Variants in ECE1 observed in about 807,000 individuals in gnomAD.
ECE1 encodes the protein endothelin converting enzyme 1.
In ECE1, 35 loss-of-function variants were observed where a neutral mutation model predicts 98.6. The observed-to-expected ratio is 0.35, with a 90% confidence interval of 0.27 to 0.47. The LOEUF is 0.47. ECE1 is among the 20% of genes least tolerant of loss of function. The pLI is 1.00. For missense variants in ECE1, 814 were observed against 1,025.3 expected (o/e 0.79, Z 2.81); for synonymous variants, 394 against 407.1 (o/e 0.97, Z 0.39).
chr1:21,231,681 G>T (rs1296440647), intron 14 of ECE1, among the ~76,000 whole-genome samples: 1 of 152,146 alleles, frequency 6.6e-6, no homozygotes, highest in African/African-American at 2.4e-5. Context: ...TAGAGACAGG[G>T]TCTTGCTCTG....
chr1:21,254,068 CAAAA>C (rs57691016), intron 8 of ECE1, among the ~76,000 whole-genome samples: 1,711 of 99,046 alleles, frequency 0.017, 20 homozygotes, highest in East Asian at 0.034. Flanking sequence ...GACTTTGTCT[CAAAA>C]AAAAAAAAAA....
intron 3 of ECE1, among the ~76,000 whole-genome samples, chr1:21,273,346 CGTGTGTGTGTGTGT>C (rs60168069): frequency 5.3e-5 from 7 of 133,158 alleles, no homozygotes; most frequent in East Asian, 4.1e-4. Flanking sequence ...TGCGTGTGTG[CGTGTGTGTGTGTGT>C]GTGTGTGTGT....
chr1:21,314,486 C>T (rs1569738034), intron 1 of ECE1, among the ~76,000 whole-genome samples: 2 of 152,232 alleles, frequency 1.3e-5, no homozygotes, highest in African/African-American at 4.8e-5. Flanking sequence ...AGGCAGGGAT[C>T]GGCCCCAGCC....
intron 13 of ECE1, among the ~76,000 whole-genome samples, chr1:21,234,037 G>T (rs2098185104): frequency 6.6e-6 from 1 of 151,982 alleles, no homozygotes; most frequent in African/African-American, 2.4e-5. Context: ...ATCCAGGCTG[G>T]AGTGCAATGG....
rs1639381242 is a variant in ECE1, at chr1:21,340,656, T to G, written c.3+4720A>C. On this transcript the variant is annotated intron_variant, in intron 1 of 18. Transcript: ENST00000415912. The surrounding 1 kb of genome is among the most constrained non-coding windows in gnomAD (Gnocchi z 4.6). ...CAGTCCAAGACCAGCCTGGGCAACA[T>G]GGCGAAACCCGGTGTCTACTAAAAA... Among the ~76,000 whole-genome samples, 1 of 151,974 alleles carries G rather than the reference T, an allele frequency of 6.6e-6. No homozygotes were observed. Among genetic ancestry groups the G allele is most frequent in the African/African-American group, 2.4e-5 (1 of 41,346 alleles).
chr1:21,221,575 A>G (rs2076281), intron 18 of ECE1, among the ~76,000 whole-genome samples, 172 bp downstream of exon 18: 13,082 of 152,222 alleles, frequency 0.086, 847 homozygotes, highest in South Asian at 0.25. Flanking sequence ...CTTCACTGGT[A>G]CTTTGGGCCC....
In ECE1 at chr1:21,322,326, C is replaced by T. The variant is rs1388666748; in HGVS notation, c.3+23050G>A. 6.6e-6 allele frequency among the ~76,000 whole-genome samples: 1 copy of T among 152,192 alleles called. No individual in the cohort carries two copies. Among genetic ancestry groups the T allele is most frequent in the Non-Finnish European group, 1.5e-5 (1 of 68,020 alleles). ...GCTGGGGACAGGTCAGTGCCACCCA[C>T]CTCTAGCAAATGCTTCCATTCCCAC... On this transcript the variant is annotated intron_variant, in intron 1 of 18. Coordinates refer to the ECE1 transcript ENST00000415912. This position sits in a 1 kb window ranked among gnomAD's most constrained non-coding sequence, Gnocchi z 4.1.
At chr1:21,303,718 A>T (rs1012732851) in intron 1 of ECE1, among the ~76,000 whole-genome samples, 2 of 152,024 alleles carry the variant, frequency 1.3e-5, no homozygotes, top group African/African-American at 4.8e-5. Context: ...GCACCATCTC[A>T]GCTCGCTGCA....
At position 21,247,310 on chromosome 1, in the gene ECE1, G is replaced by A. The variant is rs757832876; in HGVS notation, c.1074C>T (p.Pro358=). The part of the protein sequence containing the change: ...WLPFLNTIFY[P]VEINESEPIV... ...TAGGCTCGGATTCATTGATCTCCAC[G>A]GGGTAGAAGATGGTGTTGAGAAAAG... Residue 358 remains proline (P), a synonymous_variant, in exon 9 of 19, where the codon CCC becomes CCT. Coordinates refer to ENST00000374893, the MANE Select transcript of ECE1 (RefSeq NM_001397.3). 5.0e-6 allele frequency: 8 copies of A among 1,614,084 alleles called. No homozygotes were observed. Among genetic ancestry groups the A allele is most frequent in the African/African-American group, 2.7e-5 (2 of 74,918 alleles).
At chr1:21,221,653 A>G (rs2098167604) in intron 18 of ECE1, 94 bp downstream of exon 18, 23 of 1,317,678 alleles carry the variant, frequency 1.7e-5, no homozygotes, top group Non-Finnish European at 2.4e-5. Context: ...GAAGTTCTCA[A>G]TCTGTGGGGA....
upstream of ECE1, chr1:21,293,669 G>C (rs570787707): frequency 1.6e-4 from 25 of 152,156 alleles, no homozygotes; most frequent in Non-Finnish European, 2.1e-4. Flanking sequence ...GCCTGCCTCA[G>C]CCCGGTAGTG....
chr1:21,220,390 T>C lies in ECE1; in HGVS notation c.2137-259A>G, dbSNP rs1055308185. ...GGTGTACACCTATGGTCCCAGCTCC[T>C]GGGGAGGCTGAGGTGGGAGGATCAC... On this transcript the variant is annotated intron_variant, in intron 18 of 18. Coordinates refer to ENST00000374893, the MANE Select transcript of ECE1 (RefSeq NM_001397.3). The surrounding 1 kb of genome is among the most constrained non-coding windows in gnomAD (Gnocchi z 5.0). Among the ~76,000 whole-genome samples, 4 of 152,018 alleles carry C rather than the reference T, an allele frequency of 2.6e-5. No homozygotes were observed. The highest frequency in any genetic ancestry group is 4.4e-5 in the Non-Finnish European group (3 of 67,980).
chr1:21,271,132 T>C (rs1323384186), intron 4 of ECE1, among the ~76,000 whole-genome samples: 1 of 152,190 alleles, frequency 6.6e-6, no homozygotes, highest in Admixed American at 6.5e-5. Flanking sequence ...GCTTCAACCC[T>C]ACCTCCATAC....
chr1:21,226,468 T>A (rs140990374), intron 16 of ECE1, among the ~76,000 whole-genome samples: 2 of 152,276 alleles, frequency 1.3e-5, no homozygotes, highest in East Asian at 3.9e-4. Flanking sequence ...CCCAGATCCT[T>A]CTGCCTCCAA....
chr1:21,262,710 CA>C (rs1208287465), intron 4 of ECE1, among the ~76,000 whole-genome samples: 1 of 152,234 alleles, frequency 6.6e-6, no homozygotes, highest in Non-Finnish European at 1.5e-5. Flanking sequence ...CACCTGTCTG[CA>C]AGCCCCAAAT....
In ECE1 at chr1:21,219,945, C is replaced by A. The variant is rs200941917; in HGVS notation, c.*10G>T. ...TCCCCTCCTCCGTCTTGGCTCTCTC[C>A]GCTTCGTCCTTACCAGACTTCGCAC... On this transcript the variant is annotated 3_prime_UTR_variant, in exon 19 of 19. Coordinates refer to ENST00000374893, the MANE Select transcript of ECE1 (RefSeq NM_001397.3). This position sits in a 1 kb window ranked among gnomAD's most constrained non-coding sequence, Gnocchi z 4.5. The A allele has an allele frequency of 5.0e-6, 8 of 1,614,138 alleles. No homozygotes were observed. Among genetic ancestry groups the A allele is most frequent in the South Asian group, 2.2e-5 (2 of 91,076 alleles).
Position 21,236,623 on chromosome 1 carries a change from T to A in ECE1, c.1488+123A>T, listed in dbSNP as rs534446588. ...AAGATCGCACCATAGCACTCCAGCC[T>A]GGGTAACAAGAACGAAACTCTGCCT... On this transcript the variant is annotated intron_variant, in intron 12 of 18. Coordinates refer to ENST00000374893, the MANE Select transcript of ECE1 (RefSeq NM_001397.3). 7 of 958,338 alleles carry A rather than the reference T, an allele frequency of 7.3e-6. No individual in the cohort carries two copies. The Admixed American group carries it at 7.5e-5, about 10-fold the overall frequency. The allele number at this position is 958,338 out of a possible 1,614,324, so 59.4% of individuals were successfully genotyped here. A position where few individuals can be genotyped will look rare whatever the true frequency, so the allele number is the denominator to read the frequency against.
intron 2 of ECE1, among the ~76,000 whole-genome samples, chr1:21,285,096 T>C (rs981108137): frequency 2.0e-5 from 3 of 152,288 alleles, no homozygotes; most frequent in Admixed American, 1.3e-4. Context: ...CTCAAGTCCT[T>C]GTGTCCTCTT....
At chr1:21,298,481 A>C (rs1638417050) in intron 1 of ECE1, 1 of 322,180 alleles carries the variant, frequency 3.1e-6, no homozygotes. Context: ...CACGGACGTG[A>C]ATGGAGATGA....
Sources: allele counts gnomAD v4.1 joint callset (sites outside exome capture counted in the v4.1 genomes callset), GRCh38; gene constraint gnomAD v4.1.1; non-coding constraint Gnocchi (gnomAD v3.1); transcripts MANE v1.5; gene names NCBI Gene and HGNC (gene_info 2026-07-23, HGNC 2026-07-21).